Variants in B4GALNT2 observed in about 807,000 individuals in gnomAD.
B4GALNT2 encodes N-acetylneuraminylgalactosylglucosyl-glucoside beta-1,4-N- acetylgalactosaminyltransferase 2.
A neutral mutation model predicts 51.1 loss-of-function variants in B4GALNT2; 42 were observed. The ratio of observed to expected loss-of-function variants is 0.82; its 90% CI spans 0.64 to 1.06. The LOEUF is 1.06. B4GALNT2 is among the 50% of genes least tolerant of loss of function. The pLI is 0.00. For synonymous variants in B4GALNT2, 253 were observed against 251.7 expected (o/e 1.01, Z -0.05); for missense variants, 602 against 633.6 (o/e 0.95, Z 0.54).
chr17:49,156,515 C>T, intron 4 of B4GALNT2, 51 bp from the exon 5 acceptor site: 1 of 1,601,122 alleles, frequency 6.2e-7, no homozygotes, highest in Non-Finnish European at 8.6e-7. Context: ...CAGCGGGGAG[C>T]TGCGATGTCT....
intron 1 of B4GALNT2, among the ~76,000 whole-genome samples, chr17:49,135,246 G>C (rs1304224588): frequency 6.6e-6 from 1 of 152,012 alleles, no homozygotes; most frequent in Non-Finnish European, 1.5e-5. Flanking sequence ...GCTTCGGTTT[G>C]TTCCATTCAC....
At chr17:49,126,951 G>A in the B4GALNT2 span, among the ~76,000 whole-genome samples, 3 of 151,882 alleles carry the variant, frequency 2.0e-5, no homozygotes, top group Non-Finnish European at 2.9e-5. Context: ...TGAACCACCC[G>A]CCTTGGCCTC....
At position 49,172,996 on chromosome 17, in the gene B4GALNT2, T is replaced by A. The variant is rs1300006362; in HGVS notation, c.*3268T>A. ...GGCATCGCTGGATAATAGCTTTAGC[T>A]TCTTTCCAGGTAATGCCGTATCTGT... On this transcript the variant is annotated 3_prime_UTR_variant, in exon 11 of 11. Transcript: ENST00000393354. The A allele has an allele frequency of 6.6e-6, 1 of 152,274 alleles. No individual in the cohort carries two copies. Among genetic ancestry groups the A allele is most frequent in the East Asian group, 1.9e-4 (1 of 5,206 alleles). The allele number at this position is 152,274 out of a possible 1,614,324, so 9.4% of individuals were successfully genotyped here. A position where few individuals can be genotyped will look rare whatever the true frequency, so the allele number is the denominator to read the frequency against.
intron 4 of B4GALNT2, among the ~76,000 whole-genome samples, chr17:49,156,245 T>C (rs1371030504): frequency 2.0e-5 from 3 of 152,190 alleles, no homozygotes; most frequent in Admixed American, 6.5e-5. Flanking sequence ...AGGTGCCTTA[T>C]ACAAGATGAT....
At chr17:49,152,758 G>C (rs868068128) in intron 3 of B4GALNT2, 42 bp from the exon 4 acceptor site, 1 of 1,389,568 alleles carries the variant, frequency 7.2e-7, no homozygotes. Flanking sequence ...CCAGGGACCA[G>C]CATCAGGGCA....
intron 6 of B4GALNT2, 30 bp from the exon 7 acceptor site, chr17:49,160,525 C>T (rs2042853528): frequency 1.3e-6 from 2 of 1,594,658 alleles, no homozygotes; most frequent in Admixed American, 1.7e-5. Flanking sequence ...CATGATACTC[C>T]CTGTGCCATT....
At chr17:49,153,620 C>A (rs1290182366) in intron 4 of B4GALNT2, among the ~76,000 whole-genome samples, 1 of 151,856 alleles carries the variant, frequency 6.6e-6, no homozygotes, top group Non-Finnish European at 1.5e-5. Context: ...GATCCTCCTG[C>A]CTCAGCCTCC....
upstream of B4GALNT2, chr17:49,132,438 C>T (rs536667959): frequency 3.6e-5 from 10 of 277,946 alleles, no homozygotes; most frequent in Non-Finnish European, 6.0e-5. Context: ...TAGGGACCCC[C>T]AGCATGAGCT....
rs183323136 is a variant in B4GALNT2 at position 49,136,456 on chromosome 17, A to G, written c.14+3650A>G. 7.1e-4 allele frequency among the ~76,000 whole-genome samples: 108 copies of G among 151,966 alleles called. 1 individual carries two copies. In the Middle Eastern group the frequency reaches 0.031, roughly 43 times the overall value. ...CAGATTTTATATTTTATGTATATTC[A>G]GTAATTTGATTTTTTTAAAAGGTGC... is the stretch of plus-strand genomic sequence containing the variant. On this transcript the variant is annotated intron_variant, in intron 1 of 10. Coordinates refer to ENST00000393354, the MANE Select transcript of B4GALNT2 (RefSeq NM_001159387.2).
At chr17:49,122,894 A>G in the B4GALNT2 span, among the ~76,000 whole-genome samples, 6 of 152,234 alleles carry the variant, frequency 3.9e-5, no homozygotes, top group Non-Finnish European at 7.3e-5. Context: ...CAGTTCCCAC[A>G]GGGTGGCATA....
At chr17:49,163,207 C>G (rs922250357) in intron 7 of B4GALNT2, among the ~76,000 whole-genome samples, 1 of 152,126 alleles carries the variant, frequency 6.6e-6, no homozygotes, top group Non-Finnish European at 1.5e-5. Context: ...GAAAGCTGTC[C>G]CCTCTCCAGT....
chr17:49,165,377 ACTCT>A (rs765877058), intron 8 of B4GALNT2, among the ~76,000 whole-genome samples: 4 of 69,282 alleles, frequency 5.8e-5, no homozygotes, highest in Admixed American at 2.0e-4. Context: ...CTTCCTCTCC[ACTCT>A]CTCTTTCTCT....
At chr17:49,133,848 G>C (rs953285234) in intron 1 of B4GALNT2, among the ~76,000 whole-genome samples, 3 of 152,174 alleles carry the variant, frequency 2.0e-5, no homozygotes, top group Non-Finnish European at 4.4e-5. Context: ...GGAAGCAGAG[G>C]TTGCAGTGAG....
rs759917446 is a variant in B4GALNT2 at position 49,148,750 on chromosome 17, C to T, written c.354-4050C>T. On this transcript the variant is annotated intron_variant, in intron 3 of 10. Coordinates refer to ENST00000393354, the MANE Select transcript of B4GALNT2 (RefSeq NM_001159387.2). ...TGGACATCCTTCTTGGCCACCGTGA[C>T]TCCCTCCTTTAAAAGGAGTTCATAG... is the stretch of plus-strand genomic sequence containing the variant. 3 of 561,574 alleles carry T rather than the reference C, an allele frequency of 5.3e-6. No individual in the cohort carries two copies. The Admixed American group carries it at 7.2e-5, about 13-fold the overall frequency. The allele number at this position is 561,574 out of a possible 1,614,324, so 34.8% of individuals were successfully genotyped here.
At chr17:49,126,497 A>AAT in the B4GALNT2 span, among the ~76,000 whole-genome samples, 3 of 36,826 alleles carry the variant, frequency 8.1e-5, no homozygotes, top group Admixed American at 8.3e-4. Flanking sequence ...AATGATCAAT[A>AAT]AAAAAAAAAA....
rs755785603 is a variant in B4GALNT2 at position 49,166,098 on chromosome 17, C to T, written c.955-16C>T. On this transcript the variant is annotated splice_polypyrimidine_tract_variant and intron_variant, in intron 8 of 10. Transcript: ENST00000393354. ...TAATATGGGCAACCACTCCTTTAAC[C>T]TCATTTCATCTACAGGGTTGGTTTG... The T allele has an allele frequency of 6.2e-6, 10 of 1,612,144 alleles. No individual in the cohort carries two copies. The East Asian group carries it at 1.8e-4, about 29-fold the overall frequency.
chr17:49,151,067 C>T (rs1190833932), intron 3 of B4GALNT2, among the ~76,000 whole-genome samples: 2 of 151,776 alleles, frequency 1.3e-5, no homozygotes, highest in Non-Finnish European at 2.9e-5. Flanking sequence ...ACCATTGTAC[C>T]GTAGTTCCTC....
chr17:49,165,144 C>T (rs987431131), intron 8 of B4GALNT2, among the ~76,000 whole-genome samples: 1 of 151,966 alleles, frequency 6.6e-6, no homozygotes, highest in African/African-American at 2.4e-5. Flanking sequence ...ATGTGGAAAT[C>T]GATTGGGGTC....
chr17:49,142,633 A>C (rs2042655381), intron 3 of B4GALNT2, among the ~76,000 whole-genome samples: 1 of 152,146 alleles, frequency 6.6e-6, no homozygotes, highest in South Asian at 2.1e-4. Flanking sequence ...TTGAAGCTGC[A>C]ATGAGCCAGG....
Sources: allele counts gnomAD v4.1 joint callset (sites outside exome capture counted in the v4.1 genomes callset), GRCh38; gene constraint gnomAD v4.1.1; transcripts MANE v1.5; gene names NCBI Gene and HGNC (gene_info 2026-07-23, HGNC 2026-07-21).